Variants in DPYSL3 observed in about 807,000 individuals in gnomAD.
DPYSL3 encodes dihydropyrimidinase-related protein 3.
Under a neutral mutation model 66.1 loss-of-function variants are expected in DPYSL3, and 16 were observed. The ratio of observed to expected loss-of-function variants is 0.24; its 90% CI spans 0.16 to 0.37. The LOEUF (loss-of-function observed/expected upper bound fraction) is 0.37. DPYSL3 is among the 10% of genes least tolerant of loss of function. The pLI is 1.00. For synonymous variants in DPYSL3, 338 were observed against 345.1 expected (o/e 0.98, Z 0.23); for missense variants, 738 against 916.2 (o/e 0.81, Z 2.51).
intron 1 of DPYSL3, among the ~76,000 whole-genome samples, chr5:147,433,407 A>C (rs1752352312): frequency 6.6e-6 from 1 of 152,178 alleles, no homozygotes; most frequent in Admixed American, 6.5e-5. Flanking sequence ...GACATATGGC[A>C]AATCTTTAAC....
chr5:147,448,153 G>A (rs1302868259), intron 1 of DPYSL3, among the ~76,000 whole-genome samples: 1 of 151,958 alleles, frequency 6.6e-6, no homozygotes, highest in Non-Finnish European at 1.5e-5. Flanking sequence ...AGAAAAAAGA[G>A]CAGTCAAGCC....
rs757796024 is a variant in DPYSL3 at position 147,399,235 on chromosome 5, G to A, written c.1470C>T (p.Asp490=). The stretch of plus-strand genomic sequence containing the variant: ...TTGTCACAGCCACGAACTGGTTTTC[G>A]TCCATTTTCCCTGTGGCCTATTGAA... ...WDKAVATGKM[D]ENQFVAVTST... Residue 490 remains aspartate (D), a synonymous_variant, in exon 11 of 14, where the codon GAC becomes GAT. Transcript: ENST00000343218. 1.9e-5 allele frequency: 30 copies of A among 1,613,808 alleles called. No homozygotes were observed. Among genetic ancestry groups the A allele is most frequent in the Middle Eastern group, 3.3e-4 (2 of 6,080 alleles).
chr5:147,486,944 C>G (rs1226076187), intron 1 of DPYSL3, among the ~76,000 whole-genome samples: 2 of 152,164 alleles, frequency 1.3e-5, no homozygotes, highest in South Asian at 4.2e-4. Flanking sequence ...TCTCAACCCC[C>G]AAACTCTACT....
intron 3 of DPYSL3, among the ~76,000 whole-genome samples, chr5:147,417,730 G>A (rs961975598): frequency 7.2e-5 from 11 of 151,740 alleles, no homozygotes; most frequent in South Asian, 4.2e-4. Flanking sequence ...ATTTTTTTTG[G>A]AATTGCAATA....
rs1207358713 is a variant in DPYSL3 at position 147,395,571 on chromosome 5, A to C, written c.1954T>G (p.Phe652Val). ...CTGTCCCACTCACCTGACAGGCTAA[A>C]TCCCGACTGATGAAGATTCCTCACA... ...PPVRNLHQSG[F>V]SLSGTQVDEG... is the part of the protein sequence containing the mutation. Residue 652 changes from phenylalanine to valine, a missense_variant, in exon 13 of 14, where the codon TTT (phenylalanine) becomes GTT (valine). Physicochemically the swap from Phe to Val is conservative, Grantham distance 50 (BLOSUM62 -1). Transcript: ENST00000343218. The C allele has an allele frequency of 6.2e-7, 1 of 1,612,728 alleles. No individual in the cohort carries two copies. The highest frequency in any genetic ancestry group is 2.2e-5 in the East Asian group (1 of 44,846).
intron 1 of DPYSL3, chr5:147,453,893 G>A (rs1752796446): frequency 2.1e-6 from 1 of 471,934 alleles, no homozygotes; most frequent in Non-Finnish European, 3.3e-6. Flanking sequence ...CATAAGACAA[G>A]AATGGCTGAT....
intron 1 of DPYSL3, among the ~76,000 whole-genome samples, chr5:147,470,716 C>T (rs775923980): frequency 6.6e-6 from 1 of 152,132 alleles, no homozygotes; most frequent in African/African-American, 2.4e-5. Context: ...TTCTCACATC[C>T]TGCTGTTTCC....
intron 1 of DPYSL3, among the ~76,000 whole-genome samples, chr5:147,458,336 C>T (rs1326826540): frequency 6.6e-6 from 1 of 152,162 alleles, no homozygotes; most frequent in Non-Finnish European, 1.5e-5. Context: ...CTCCCACCAG[C>T]GCCATGACAG....
At chr5:147,464,492 AAGG>A (rs1263395652) in intron 1 of DPYSL3, among the ~76,000 whole-genome samples, 3 of 152,196 alleles carry the variant, frequency 2.0e-5, no homozygotes, top group African/African-American at 7.2e-5. Flanking sequence ...GTAAACAAGC[AAGG>A]AGAGTCAGCA....
chr5:147,425,556 T>C (rs573360847), intron 1 of DPYSL3, among the ~76,000 whole-genome samples: 2 of 152,318 alleles, frequency 1.3e-5, no homozygotes, highest in African/African-American at 4.8e-5. Context: ...TCTATAGTAT[T>C]TAACTTACAG....
At chr5:147,466,447 C>A (rs548108738) in intron 1 of DPYSL3, among the ~76,000 whole-genome samples, 1 of 152,230 alleles carries the variant, frequency 6.6e-6, no homozygotes, top group Non-Finnish European at 1.5e-5. Context: ...CCTCACTCCA[C>A]CAGCACTGAG....
intron 1 of DPYSL3, among the ~76,000 whole-genome samples, chr5:147,507,486 A>G (rs1197673441): frequency 6.6e-6 from 1 of 152,190 alleles, no homozygotes; most frequent in African/African-American, 2.4e-5. Context: ...AAGGAGGTTT[A>G]GTGTATCAAA....
At position 147,397,670 on chromosome 5, in the gene DPYSL3, C is replaced by T. The variant is rs1293651290; in HGVS notation, c.1799G>A (p.Arg600Lys). ...CAGAGCTCCAATGCTTTTTACCTTC[C>T]TCCGTGCTTTAATGCGCTTGTAGAC... ...DYVYKRIKAR[R>K]KMADLHAVPR... Residue 600 changes from arginine to lysine, a missense_variant, in exon 12 of 14, where the codon AGG becomes AAG. Transcript: ENST00000343218. 1.9e-6 allele frequency: 3 copies of T among 1,613,110 alleles called. No individual in the cohort carries two copies. Among genetic ancestry groups the T allele is most frequent in the Non-Finnish European group, 2.5e-6 (3 of 1,179,414 alleles).
chr5:147,427,015 C>A (rs2126335779), intron 1 of DPYSL3, among the ~76,000 whole-genome samples: 1 of 152,284 alleles, frequency 6.6e-6, no homozygotes, highest in East Asian at 1.9e-4. Context: ...ACCCTCATTT[C>A]TATCATGTGT....
At chr5:147,461,156 A>T (rs1434345724) in intron 1 of DPYSL3, among the ~76,000 whole-genome samples, 2 of 152,204 alleles carry the variant, frequency 1.3e-5, no homozygotes, top group Non-Finnish European at 2.9e-5. Context: ...CATGGTCAAC[A>T]TGGAGGCACC....
chr5:147,485,454 T>A (rs1017078611), intron 1 of DPYSL3, among the ~76,000 whole-genome samples: 5 of 152,174 alleles, frequency 3.3e-5, no homozygotes, highest in Non-Finnish European at 5.9e-5. Context: ...GGCTCTAGAG[T>A]ACTTTCCATC....
intron 1 of DPYSL3, among the ~76,000 whole-genome samples, chr5:147,489,866 T>A (rs1401678009): frequency 6.6e-6 from 1 of 152,100 alleles, no homozygotes; most frequent in African/African-American, 2.4e-5. Context: ...TTTTCATTAT[T>A]TGGGTAATGG....
In DPYSL3 at chr5:147,393,984, C is replaced by T. The variant is rs1407066533; in HGVS notation, c.*51G>A. ...CTTAAATATCGGTGTACCATTTTGG[C>T]TTCAAAACAATCTCTTCTTGCTTCT... On this transcript the variant is annotated 3_prime_UTR_variant, in exon 14 of 14. Coordinates refer to ENST00000343218, the MANE Select transcript of DPYSL3 (RefSeq NM_001197294.2). 1 of 1,588,756 alleles carries T rather than the reference C, an allele frequency of 6.3e-7. No homozygotes were observed.
chr5:147,451,356 G>A (rs1019932769), intron 1 of DPYSL3, among the ~76,000 whole-genome samples: 4 of 152,152 alleles, frequency 2.6e-5, no homozygotes, highest in African/African-American at 9.7e-5. Flanking sequence ...GCAGCACCAC[G>A]CCCCACACAC....
Sources: allele counts gnomAD v4.1 joint callset (sites outside exome capture counted in the v4.1 genomes callset), GRCh38; gene constraint gnomAD v4.1.1; transcripts MANE v1.5; gene names NCBI Gene and HGNC (gene_info 2026-07-23, HGNC 2026-07-21).